TACC2: variants seen among roughly 807,000 people sequenced by gnomAD.
The protein encoded by TACC2 is transforming acidic coiled-coil-containing protein 2.
TACC2 carries 137 observed loss-of-function variants against 227.3 expected under a neutral mutation model. The observed-to-expected ratio is 0.60, with a 90% confidence interval of 0.52 to 0.69. The LOEUF (loss-of-function observed/expected upper bound fraction) is 0.69. Among genes scored for constraint, TACC2 ranks in the 30% least tolerant of loss-of-function variants. TACC2 has a pLI of 0.00. For synonymous variants in TACC2, 1,523 were observed against 1,487.5 expected (o/e 1.02, Z -0.55); for missense variants, 3,470 against 3,694.4 (o/e 0.94, Z 1.57).
chr10:122,136,543 G>GTATATA lies in TACC2; in HGVS notation c.5699+3810_5699+3811insATATAT, dbSNP rs747076679. ...TGTGTGTATGTATGTTTGTGTGTGT[G>GTATATA]TGTATATATATATATATATATATAT... On this transcript the variant is annotated intron_variant, in intron 6 of 22. Transcript: ENST00000369005. Among the ~76,000 whole-genome samples the GTATATA allele has an allele frequency of 5.9e-4, 84 of 143,284 alleles. 1 individual carries two copies. The highest frequency in any genetic ancestry group is 2.1e-3 in the African/African-American group (83 of 38,690). 94.0% of individuals were successfully genotyped at this position (143,284 alleles called of 152,430 possible).
At chr10:122,192,730 A>G (rs1445876921) in intron 7 of TACC2, 1 of 456,488 alleles carries the variant, frequency 2.2e-6, no homozygotes, top group East Asian at 7.0e-5. Context: ...GGCCCGGTGG[A>G]TGTGGACAGC....
chr10:122,128,909 G>GT (rs1351027558), intron 5 of TACC2, among the ~76,000 whole-genome samples: 1 of 151,784 alleles, frequency 6.6e-6, no homozygotes, highest in Non-Finnish European at 1.5e-5. Context: ...GCTCGTGTGT[G>GT]TATGTCTATA....
At chr10:122,072,811 T>C (rs559396120) in intron 3 of TACC2, among the ~76,000 whole-genome samples, 1 of 152,074 alleles carries the variant, frequency 6.6e-6, no homozygotes, top group South Asian at 2.1e-4. Flanking sequence ...AGTGCTAGAC[T>C]AAGACATAAA....
intron 1 of TACC2, among the ~76,000 whole-genome samples, chr10:121,995,168 G>A (rs974011557): frequency 1.3e-5 from 2 of 152,214 alleles, no homozygotes; most frequent in Non-Finnish European, 1.5e-5. Flanking sequence ...GTTTGCACAG[G>A]TATTTCTCTA....
intron 1 of TACC2, among the ~76,000 whole-genome samples, chr10:122,005,899 T>G (rs1356751498): frequency 6.6e-6 from 1 of 152,048 alleles, no homozygotes; most frequent in African/African-American, 2.4e-5. Flanking sequence ...TTTGCCATGT[T>G]GGCCAGGCTG....
At position 122,249,549 on chromosome 10, in the gene TACC2, A is replaced by G. The variant is rs746827175; in HGVS notation, c.8666A>G (p.Asn2889Ser). 4 of 1,614,080 alleles carry G rather than the reference A, an allele frequency of 2.5e-6. No individual in the cohort carries two copies. Among genetic ancestry groups the G allele is most frequent in the African/African-American group, 1.3e-5 (1 of 75,076 alleles). Residue 2889 changes from asparagine (N) to serine (S), a missense_variant, in exon 22 of 23, where the codon AAT becomes AGT. Transcript: ENST00000369005. ...VHAEEKLDRA[N>S]AEIAQVRGKA... ...TGAGCTCCCTGTCTCCGCAGGGCCA[A>G]TGCTGAGATTGCTCAGGTTCGAGGC...
At chr10:122,182,280 C>G (rs767124018) in intron 7 of TACC2, among the ~76,000 whole-genome samples, 1 of 152,178 alleles carries the variant, frequency 6.6e-6, no homozygotes, top group African/African-American at 2.4e-5. Flanking sequence ...AAACATGAAA[C>G]CTGCTCTGGA....
At chr10:122,247,289 T>A (rs866545012) in intron 19 of TACC2, 2 of 152,186 alleles carry the variant, frequency 1.3e-5, no homozygotes, top group Admixed American at 6.5e-5. Context: ...CCAGATGTGA[T>A]CTGTCTATGG....
rs776727702 is a variant in TACC2 at position 122,085,784 on chromosome 10, C to T, written c.3284C>T (p.Ala1095Val). The change falls in exon 4 of 23, where the codon GCC (alanine) becomes GTC (valine). Residue 1095 changes from alanine to valine, a missense_variant. Ala to Val is a moderately conservative substitution (Grantham distance 64). This residue lies in a region of TACC2 where 1,924 missense variants were observed against 1,978.3 expected (regional missense o/e 0.97). Transcript: ENST00000369005. The part of the protein sequence containing the change: ...TQEGRQQPVP[A>V]PQQKMECWAT... Reference sequence around the variant, plus strand: ...GAAGGCAGGCAGCAACCAGTGCCGGCCCCGCAGCAGAAAATGGAGTGCTGG... The same window carrying T: ...GAAGGCAGGCAGCAACCAGTGCCGGTCCCGCAGCAGAAAATGGAGTGCTGG... 1.9e-6 allele frequency: 3 copies of T among 1,613,582 alleles called. No individual in the cohort carries two copies. The highest frequency in any genetic ancestry group is 2.2e-5 in the South Asian group (2 of 91,052).
At chr10:122,147,772 G>A (rs1292478811) in intron 7 of TACC2, among the ~76,000 whole-genome samples, 1 of 152,196 alleles carries the variant, frequency 6.6e-6, no homozygotes, top group Non-Finnish European at 1.5e-5. Context: ...AAGCCCCCAG[G>A]CAGTACAGTG....
At chr10:122,136,121 A>G (rs1022958374) in intron 6 of TACC2, among the ~76,000 whole-genome samples, 1 of 152,166 alleles carries the variant, frequency 6.6e-6, no homozygotes, top group Admixed American at 6.5e-5. Context: ...TGGCTGATGA[A>G]AATGCTGTGC....
intron 2 of TACC2, among the ~76,000 whole-genome samples, chr10:122,032,220 G>A (rs997523779): frequency 6.6e-6 from 1 of 152,158 alleles, no homozygotes; most frequent in Non-Finnish European, 1.5e-5. Flanking sequence ...AAGGCAGCAC[G>A]TATCTATGAC....
Position 122,224,700 on chromosome 10 carries a change from GTTTGTGTTTGTT to G in TACC2, c.7547-20_7547-9del. ...CTAACCTCACCTTTTGTTTTTTTGTGTTTGTGTTTGTTTTTGTTTTTGCAGAGTTGGATTACA... is the reference window on the plus strand; with the variant it reads ...CTAACCTCACCTTTTGTTTTTTTGTGTTTGTTTTTGCAGAGTTGGATTACA... On this transcript the variant is annotated splice_polypyrimidine_tract_variant and intron_variant, in intron 11 of 22. Coordinates refer to ENST00000369005, the MANE Select transcript of TACC2 (RefSeq NM_206862.4). The G allele has an allele frequency of 6.2e-7, 1 of 1,610,706 alleles. No individual in the cohort carries two copies. The highest frequency in any genetic ancestry group is 1.7e-4 in the Middle Eastern group (1 of 6,038).
chr10:122,121,488 C>T (rs2085785263), intron 5 of TACC2, among the ~76,000 whole-genome samples: 1 of 152,186 alleles, frequency 6.6e-6, no homozygotes, highest in Admixed American at 6.5e-5. Context: ...GGCCTCCTAT[C>T]ACCTGCCCTA....
chr10:122,049,851 C>T (rs1356003596), intron 2 of TACC2, among the ~76,000 whole-genome samples: 1 of 151,722 alleles, frequency 6.6e-6, no homozygotes, highest in Non-Finnish European at 1.5e-5. Flanking sequence ...TTTATAAAAA[C>T]AACAACAACA....
At chr10:122,183,688 A>T (rs1035824450) in intron 7 of TACC2, among the ~76,000 whole-genome samples, 1 of 152,198 alleles carries the variant, frequency 6.6e-6, no homozygotes, top group East Asian at 1.9e-4. Flanking sequence ...GGGAAACTGC[A>T]GCTGCCAAAC....
intron 10 of TACC2, 26 bp downstream of exon 10, chr10:122,215,477 G>T: frequency 1.2e-6 from 2 of 1,602,418 alleles, no homozygotes; most frequent in Admixed American, 1.7e-5. Context: ...GATCTTGATG[G>T]TTTTATGCCC....
intron 7 of TACC2, among the ~76,000 whole-genome samples, chr10:122,145,896 C>G (rs1308643821): frequency 6.6e-6 from 1 of 152,156 alleles, no homozygotes; most frequent in Non-Finnish European, 1.5e-5. Context: ...CTGGAGCCCA[C>G]TCTGTGTGGG....
chr10:122,242,072 TAGG>T lies in TACC2; in HGVS notation c.8392+75_8392+77del, dbSNP rs1482878176. The T allele has an allele frequency of 9.0e-5, 129 of 1,432,542 alleles. 2 individuals carry two copies. The South Asian group carries it at 1.4e-3, about 16-fold the overall frequency. The allele number at this position is 1,432,542 out of a possible 1,614,324, so 88.7% of individuals were successfully genotyped here. On this transcript the variant is annotated intron_variant, in intron 19 of 22. Transcript: ENST00000369005. Reference sequence around the variant, plus strand: ...TGAACTATGAGGAGGCCTTGGAAGATAGGAGGCTCAGAGTGGGTTTCTGGTAGA... The same window carrying T: ...TGAACTATGAGGAGGCCTTGGAAGATAGGCTCAGAGTGGGTTTCTGGTAGA...
Sources: gnomAD v4.1 joint callset for allele counts (sites outside exome capture counted in the v4.1 genomes callset) on GRCh38, gnomAD v4.1.1 for gene constraint, gnomAD v4.1.1 regional missense constraint, MANE v1.5 for transcripts, NCBI Gene and HGNC (gene_info 2026-07-23, HGNC 2026-07-21) for gene names.